Variants in PCSK2 observed in about 807,000 individuals in gnomAD.
PCSK2 encodes the protein proprotein convertase subtilisin/kexin type 2.
Under a neutral mutation model 69.7 loss-of-function variants are expected in PCSK2, and 14 were observed. The ratio of observed to expected loss-of-function variants is 0.20; its 90% CI spans 0.13 to 0.31. PCSK2 has a LOEUF of 0.31. Among genes scored for constraint, PCSK2 ranks in the 10% least tolerant of loss-of-function variants. PCSK2 has a pLI of 1.00. For missense variants in PCSK2, 544 were observed against 842.5 expected, an observed-to-expected ratio of 0.65 and a Z score of 4.39; for synonymous variants, 307 against 320.7, an observed-to-expected ratio of 0.96 and a Z score of 0.46.
intron 5 of PCSK2, among the ~76,000 whole-genome samples, chr20:17,402,747 G>T (rs1303554237): frequency 6.6e-6 from 1 of 151,412 alleles, no homozygotes; most frequent in African/African-American, 2.4e-5. Context: ...GAGGTTAGGA[G>T]ATCAAGACCA....
chr20:17,475,828 T>C (rs1289198968), intron 11 of PCSK2, among the ~76,000 whole-genome samples: 2 of 152,228 alleles, frequency 1.3e-5, no homozygotes, highest in Non-Finnish European at 2.9e-5. Context: ...TGATTGCCAC[T>C]CAGTTACAGT....
chr20:17,340,302 T>TAA (rs1990473337), intron 2 of PCSK2, among the ~76,000 whole-genome samples: 1 of 1,310 alleles, frequency 7.6e-4, no homozygotes, highest in African/African-American at 1.9e-3. Flanking sequence ...CCAAACTAAC[T>TAA]AGCTTTATTG....
rs75856168 is a variant in PCSK2 at position 17,268,667 on chromosome 20, T to C, written c.282+8323T>C. Reference sequence around the variant, plus strand: ...AGAGAGGAAAAATAAAGCAAGATCATGGGCGACATGATAAGCTGGGGAAAG... The same window carrying C: ...AGAGAGGAAAAATAAAGCAAGATCACGGGCGACATGATAAGCTGGGGAAAG... On this transcript the variant is annotated intron_variant, in intron 2 of 11. Coordinates refer to ENST00000262545, the MANE Select transcript of PCSK2 (RefSeq NM_002594.5). Among the ~76,000 whole-genome samples, 678 of 152,260 alleles carry C rather than the reference T, an allele frequency of 4.5e-3. 5 individuals carry two copies. The highest frequency in any genetic ancestry group is 0.016 in the African/African-American group (654 of 41,544).
chr20:17,230,493 T>C (rs1411746864), intron 1 of PCSK2, among the ~76,000 whole-genome samples: 1 of 152,212 alleles, frequency 6.6e-6, no homozygotes, highest in African/African-American at 2.4e-5. Flanking sequence ...TGAAAAATAA[T>C]TGCTTTTCTA....
At chr20:17,411,371 G>T (rs975810207) in intron 6 of PCSK2, among the ~76,000 whole-genome samples, 1 of 152,246 alleles carries the variant, frequency 6.6e-6, no homozygotes, top group Non-Finnish European at 1.5e-5. Flanking sequence ...CAGACCAGGA[G>T]ATTCTCTCCC....
chr20:17,438,250 C>T (rs556561851), intron 8 of PCSK2, among the ~76,000 whole-genome samples: 3 of 152,320 alleles, frequency 2.0e-5, no homozygotes, highest in East Asian at 3.9e-4. Flanking sequence ...AATGCATCTG[C>T]TCCACATACA....
At chr20:17,420,986 G>A (rs189912813) in intron 6 of PCSK2, among the ~76,000 whole-genome samples, 1 of 152,236 alleles carries the variant, frequency 6.6e-6, no homozygotes, top group African/African-American at 2.4e-5. Flanking sequence ...ATTATTCAAC[G>A]ACAAAGAAAA....
chr20:17,405,215 A>G (rs1351519736), intron 5 of PCSK2, among the ~76,000 whole-genome samples: 1 of 152,248 alleles, frequency 6.6e-6, no homozygotes, highest in Non-Finnish European at 1.5e-5. Context: ...GGTCAAAAAC[A>G]GCCTCATTTC....
chr20:17,247,541 C>T (rs1454395755), intron 1 of PCSK2, among the ~76,000 whole-genome samples: 1 of 152,186 alleles, frequency 6.6e-6, no homozygotes, highest in Non-Finnish European at 1.5e-5. Flanking sequence ...ACCATGAAAA[C>T]CAGCACAGTG....
In PCSK2 at chr20:17,449,526, G is replaced by GTGTATATATA. The variant is rs1555796488; in HGVS notation, c.886-4215_886-4214insGTATATATAT. 4.3e-4 allele frequency among the ~76,000 whole-genome samples: 56 copies of GTGTATATATA among 130,706 alleles called. 1 individual carries two copies. The Middle Eastern group carries it at 0.011, about 27-fold the overall frequency. 85.7% of individuals were successfully genotyped at this position (130,706 alleles called of 152,430 possible). A position where few individuals can be genotyped will look rare whatever the true frequency, so the allele number is the denominator to read the frequency against. ...AATATACATATATATATGTATGTAT[G>GTGTATATATA]TATATATATATATGTATATTTGAGA... is the stretch of plus-strand genomic sequence containing the variant. On this transcript the variant is annotated intron_variant, in intron 8 of 11. Coordinates refer to ENST00000262545, the MANE Select transcript of PCSK2 (RefSeq NM_002594.5).
chr20:17,343,124 C>T (rs900222400), intron 2 of PCSK2, among the ~76,000 whole-genome samples: 9 of 152,216 alleles, frequency 5.9e-5, no homozygotes, highest in African/African-American at 2.2e-4. Context: ...GAGACTGACT[C>T]TCACTATCCC....
intron 6 of PCSK2, among the ~76,000 whole-genome samples, chr20:17,413,446 A>G (rs1270824879): frequency 6.6e-6 from 1 of 152,224 alleles, no homozygotes. Flanking sequence ...AGACCATTAC[A>G]TAATGGTAAA....
chr20:17,373,413 T>C (rs2030832438), intron 5 of PCSK2, among the ~76,000 whole-genome samples: 1 of 152,110 alleles, frequency 6.6e-6, no homozygotes, highest in African/African-American at 2.4e-5. Context: ...CAAAAGATGT[T>C]CCTACCTCCC....
chr20:17,419,170 C>A (rs760263579), intron 6 of PCSK2, among the ~76,000 whole-genome samples: 1 of 152,200 alleles, frequency 6.6e-6, no homozygotes, highest in African/African-American at 2.4e-5. Flanking sequence ...TTAAACTCCA[C>A]GCCAAGGGTG....
intron 2 of PCSK2, among the ~76,000 whole-genome samples, chr20:17,321,523 G>C (rs1249364413): frequency 6.6e-6 from 1 of 152,114 alleles, no homozygotes; most frequent in Non-Finnish European, 1.5e-5. Flanking sequence ...TTTCCATTTT[G>C]GGGAAAGACA....
chr20:17,343,221 G>A (rs1033768546), intron 2 of PCSK2, among the ~76,000 whole-genome samples: 7 of 152,106 alleles, frequency 4.6e-5, no homozygotes, highest in Admixed American at 3.9e-4. Context: ...AACTACATTT[G>A]GGAGACAGAT....
chr20:17,382,058 G>A (rs779816144), intron 5 of PCSK2, among the ~76,000 whole-genome samples: 16 of 150,346 alleles, frequency 1.1e-4, no homozygotes, highest in Middle Eastern at 3.4e-3. Context: ...AGCTTTATTG[G>A]GGAGTTTTGA....
At chr20:17,387,671 T>G (rs552231068) in intron 5 of PCSK2, among the ~76,000 whole-genome samples, 1 of 152,330 alleles carries the variant, frequency 6.6e-6, no homozygotes, top group South Asian at 2.1e-4. Flanking sequence ...AATTTTGAAA[T>G]GTCCTATTGG....
intron 1 of PCSK2, among the ~76,000 whole-genome samples, chr20:17,256,248 T>C (rs1006952593): frequency 2.0e-5 from 3 of 152,162 alleles, no homozygotes; most frequent in African/African-American, 7.2e-5. Context: ...ATATTCTTTA[T>C]TTGATGATTC....
Sources: gnomAD v4.1 joint callset for allele counts (sites outside exome capture counted in the v4.1 genomes callset) on GRCh38, gnomAD v4.1.1 for gene constraint, MANE v1.5 for transcripts, NCBI Gene and HGNC (gene_info 2026-07-23, HGNC 2026-07-21) for gene names.